Variants in PCDH15 observed in about 807,000 individuals in gnomAD.
The protein encoded by PCDH15 is protocadherin-15.
A neutral mutation model predicts 178.5 loss-of-function variants in PCDH15; 129 were observed. The ratio of observed to expected loss-of-function variants is 0.72; its 90% CI spans 0.63 to 0.84. The LOEUF (loss-of-function observed/expected upper bound fraction) is 0.84, where lower values mean the gene tolerates loss of function less well. PCDH15 is among the 40% of genes least tolerant of loss of function. The probability of loss-of-function intolerance (pLI) is 0.00; values close to 1 mark genes in which losing one functional copy is unlikely to be tolerated. For missense variants in PCDH15, 2,230 were observed against 2,099.9 expected, an observed-to-expected ratio of 1.06 and a Z score of -1.21; for synonymous variants, 800 against 732.0, an observed-to-expected ratio of 1.09 and a Z score of -1.50.
intron 3 of PCDH15, among the ~76,000 whole-genome samples, chr10:54,521,035 G>C (rs1188049557): frequency 2.1e-5 from 3 of 140,284 alleles, no homozygotes; most frequent in East Asian, 4.3e-4. Context: ...ACACAGGAAG[G>C]GGAACATCAC....
chr10:54,508,603 G>T (rs1003652116), intron 3 of PCDH15, among the ~76,000 whole-genome samples: 11 of 152,120 alleles, frequency 7.2e-5, no homozygotes, highest in African/African-American at 2.7e-4. Context: ...TATCTGATGT[G>T]ATTCATTGAA....
Position 53,902,284 on chromosome 10 carries a change from A to AT in PCDH15, c.3501+958dup, listed in dbSNP as rs972415643. Among the ~76,000 whole-genome samples, 72 of 152,022 alleles carry AT rather than the reference A, an allele frequency of 4.7e-4. 1 individual carries two copies. The highest frequency in any genetic ancestry group is 4.3e-3 in the Admixed American group (66 of 15,238). ...TGCAAGCCCAACCCAATTAGGTTGA[A>AT]TTTTTTTTCTTACTGAGAGTGTTTG... is the stretch of plus-strand genomic sequence containing the variant. On this transcript the variant is annotated intron_variant, in intron 26 of 37. Coordinates refer to ENST00000644397, the MANE Select transcript of PCDH15 (RefSeq NM_001384140.1).
At chr10:54,560,434 C>T (rs762485214) in intron 2 of PCDH15, among the ~76,000 whole-genome samples, 23 of 151,796 alleles carry the variant, frequency 1.5e-4, no homozygotes, top group African/African-American at 2.2e-4. Context: ...TTCCTCTTGA[C>T]GTATATTTAG....
At chr10:53,886,545 A>G (rs1163140130) in intron 26 of PCDH15, among the ~76,000 whole-genome samples, 3 of 146,460 alleles carry the variant, frequency 2.0e-5, no homozygotes, top group Non-Finnish European at 4.5e-5. Context: ...TCATGACTTC[A>G]TGTTTTTGGG....
intron 2 of PCDH15, among the ~76,000 whole-genome samples, chr10:54,972,843 C>A (rs1591813774): frequency 6.5e-5 from 6 of 92,388 alleles, no homozygotes; most frequent in East Asian, 3.3e-4. Flanking sequence ...AGTGAGACTC[C>A]ATCTCAAAAA....
chr10:55,117,954 G>T (rs1375190226), intron 2 of PCDH15, among the ~76,000 whole-genome samples: 1 of 152,126 alleles, frequency 6.6e-6, no homozygotes. Context: ...GCCCTGAAAA[G>T]TCTCCTTCAG....
intron 8 of PCDH15, among the ~76,000 whole-genome samples, chr10:54,240,821 CG>C (rs2055203669): frequency 6.6e-6 from 1 of 151,542 alleles, no homozygotes; most frequent in Non-Finnish European, 1.5e-5. Context: ...TTAGGAGAGA[CG>C]GGGTTTCACC....
intron 2 of PCDH15, among the ~76,000 whole-genome samples, chr10:55,365,314 A>G (rs1342532772): frequency 6.6e-6 from 1 of 152,176 alleles, no homozygotes; most frequent in Non-Finnish European, 1.5e-5. Flanking sequence ...AAGTGAAGTT[A>G]TAACAAGACC....
intron 18 of PCDH15, among the ~76,000 whole-genome samples, chr10:54,063,647 A>G (rs1377818062): frequency 6.6e-6 from 1 of 151,726 alleles, no homozygotes; most frequent in Non-Finnish European, 1.5e-5. Context: ...TGTATCACCC[A>G]CTCCACCTGG....
chr10:55,495,665 C>T (rs950298960), intron 2 of PCDH15, among the ~76,000 whole-genome samples: 1 of 151,626 alleles, frequency 6.6e-6, no homozygotes, highest in African/African-American at 2.4e-5. Context: ...ATTACAGGTT[C>T]TTTAAGAAAC....
chr10:54,902,975 A>G (rs933786756), intron 2 of PCDH15, among the ~76,000 whole-genome samples: 1 of 152,148 alleles, frequency 6.6e-6, no homozygotes, highest in Non-Finnish European at 1.5e-5. Flanking sequence ...TATCATCACA[A>G]TGTATATAAT....
chr10:55,508,721 T>C (rs981127005), intron 2 of PCDH15, among the ~76,000 whole-genome samples: 7 of 151,710 alleles, frequency 4.6e-5, no homozygotes, highest in African/African-American at 1.7e-4. Context: ...ATATTGAATA[T>C]TTTACTTTAT....
intron 1 of PCDH15, among the ~76,000 whole-genome samples, chr10:54,718,213 TA>T (rs1297539680): frequency 6.6e-6 from 1 of 151,124 alleles, no homozygotes; most frequent in East Asian, 1.9e-4. Flanking sequence ...TATACATAGG[TA>T]ACTAACCTGC....
intron 2 of PCDH15, among the ~76,000 whole-genome samples, chr10:55,528,489 C>T (rs1014793968): frequency 4.0e-5 from 6 of 151,664 alleles, no homozygotes; most frequent in Admixed American, 3.3e-4. Flanking sequence ...TGGTTTTTTG[C>T]CCTTGTGATA....
chr10:55,312,147 G>A (rs903044071), intron 1 of PCDH15, among the ~76,000 whole-genome samples: 9 of 151,938 alleles, frequency 5.9e-5, no homozygotes, highest in Non-Finnish European at 1.2e-4. Flanking sequence ...GGAGATTATT[G>A]TAAATAAGCC....
intron 3 of PCDH15, among the ~76,000 whole-genome samples, chr10:54,509,759 T>A (rs1039018464): frequency 6.6e-6 from 1 of 152,172 alleles, no homozygotes; most frequent in Non-Finnish European, 1.5e-5. Flanking sequence ...ACTTGAAAAC[T>A]CAGTGCCAAC....
At chr10:54,258,688 A>C (rs1207147275) in intron 8 of PCDH15, among the ~76,000 whole-genome samples, 2 of 152,216 alleles carry the variant, frequency 1.3e-5, no homozygotes, top group Non-Finnish European at 2.9e-5. Context: ...ATAAAAATAA[A>C]ATCATTTGAT....
chr10:54,804,936 T>TATATATATATATATATATATATATATAC (rs1418662726), upstream of PCDH15, among the ~76,000 whole-genome samples: 1 of 126,104 alleles, frequency 7.9e-6, no homozygotes, highest in Non-Finnish European at 1.7e-5. Flanking sequence ...ATTATATATA[T>TATATATATATATATATATATATATATAC]ATATATATAT....
At chr10:55,146,865 A>T (rs1407636933) in intron 2 of PCDH15, among the ~76,000 whole-genome samples, 1 of 151,370 alleles carries the variant, frequency 6.6e-6, no homozygotes, top group Non-Finnish European at 1.5e-5. Flanking sequence ...CTGACTTATG[A>T]TTACAAAATT....
Sources: gnomAD v4.1 joint callset for allele counts (sites outside exome capture counted in the v4.1 genomes callset) on GRCh38, gnomAD v4.1.1 for gene constraint, MANE v1.5 for transcripts, NCBI Gene and HGNC (gene_info 2026-07-23, HGNC 2026-07-21) for gene names.